The following ABCA13 variants were observed in gnomAD, a reference collection of about 807,000 sequenced individuals.
ABCA13 encodes ATP binding cassette subfamily A member 13.
Under a neutral mutation model 478.7 loss-of-function variants are expected in ABCA13, and 476 were observed. The observed-to-expected ratio is 0.99, with a 90% CI of 0.92 to 1.07. ABCA13 has a LOEUF of 1.07. Ranked by LOEUF, ABCA13 falls within the 50% of genes least tolerant of loss-of-function variation. ABCA13 has a pLI of 0.00. For missense variants in ABCA13, 6,060 were observed against 5,910.6 expected (o/e 1.03, Z -0.83); for synonymous variants, 2,252 against 2,158.9 (o/e 1.04, Z -1.20).
intron 51 of ABCA13, among the ~76,000 whole-genome samples, chr7:48,513,085 C>G (rs1831831668): frequency 6.6e-6 from 1 of 152,184 alleles, no homozygotes; most frequent in African/African-American, 2.4e-5. Flanking sequence ...AGTGAGAGAC[C>G]CGGTCTGGGG....
intron 1 of ABCA13, among the ~76,000 whole-genome samples, chr7:48,189,194 G>T (rs555468638): frequency 1.8e-4 from 27 of 152,292 alleles, no homozygotes; most frequent in Middle Eastern, 3.4e-3. Flanking sequence ...ATACGGTGAA[G>T]CCCTAGCATT....
At chr7:48,390,243 T>C (rs1815834819) in intron 37 of ABCA13, among the ~76,000 whole-genome samples, 1 of 152,202 alleles carries the variant, frequency 6.6e-6, no homozygotes, top group Non-Finnish European at 1.5e-5. Flanking sequence ...TGATTTAAAG[T>C]TCAATGACTG....
chr7:48,326,041 T>A (rs370992142), intron 27 of ABCA13, among the ~76,000 whole-genome samples: 2 of 152,198 alleles, frequency 1.3e-5, no homozygotes, highest in African/African-American at 2.4e-5. Flanking sequence ...CCTGCAGAAA[T>A]CCCTGGGACA....
chr7:48,269,173 C>T (rs1795265698), intron 16 of ABCA13, 79 bp downstream of exon 16: 1 of 761,104 alleles, frequency 1.3e-6, no homozygotes, highest in South Asian at 1.7e-5. Flanking sequence ...ATAGGATATG[C>T]ACTCTTTAAA....
intron 25 of ABCA13, among the ~76,000 whole-genome samples, chr7:48,313,993 G>A (rs1423639723): frequency 6.6e-6 from 1 of 151,970 alleles, no homozygotes; most frequent in Non-Finnish European, 1.5e-5. Flanking sequence ...ATGTGTGTGT[G>A]TGTGTGTGTG....
At chr7:48,350,445 G>C (rs755956545) in intron 29 of ABCA13, among the ~76,000 whole-genome samples, 198 bp from the exon 30 acceptor site, 1 of 152,042 alleles carries the variant, frequency 6.6e-6, no homozygotes, top group Non-Finnish European at 1.5e-5. Flanking sequence ...CAGAGCATGT[G>C]TATAAAAGTG....
chr7:48,566,890 C>T (rs1022701904), intron 55 of ABCA13, among the ~76,000 whole-genome samples: 12 of 152,126 alleles, frequency 7.9e-5, no homozygotes, highest in Non-Finnish European at 5.9e-5. Context: ...TGAGTACTGA[C>T]CTCTACTGTG....
At chr7:48,339,447 G>A (rs1806774674) in intron 29 of ABCA13, among the ~76,000 whole-genome samples, 1 of 152,198 alleles carries the variant, frequency 6.6e-6, no homozygotes, top group South Asian at 2.1e-4. Context: ...GGACTGACAT[G>A]GGTCTGAGAG....
At chr7:48,351,024 G>A (rs369039015) in intron 30 of ABCA13, among the ~76,000 whole-genome samples, 4 of 152,306 alleles carry the variant, frequency 2.6e-5, no homozygotes, top group African/African-American at 7.2e-5. Context: ...ATGAAAAGTT[G>A]TACCTTATGC....
At chr7:48,257,332 A>G (rs1324068627) in intron 15 of ABCA13, among the ~76,000 whole-genome samples, 1 of 152,034 alleles carries the variant, frequency 6.6e-6, no homozygotes, top group Non-Finnish European at 1.5e-5. Context: ...GACTTTCAGT[A>G]TTATGGTGAA....
chr7:48,198,099 C>G (rs1395834997), intron 2 of ABCA13, 138 bp from the exon 3 acceptor site: 1 of 864,848 alleles, frequency 1.2e-6, no homozygotes, highest in Admixed American at 3.3e-5. Flanking sequence ...TTTGTCTGAG[C>G]CCTTAGATCT....
At chr7:48,480,912 G>A (rs1828689213) in intron 45 of ABCA13, 124 bp from the exon 46 acceptor site, 1 of 666,128 alleles carries the variant, frequency 1.5e-6, no homozygotes, top group East Asian at 2.7e-5. Context: ...CATATAAAGG[G>A]CTGCAGATAA....
At chr7:48,324,223 C>T (rs994080760) in intron 27 of ABCA13, among the ~76,000 whole-genome samples, 1 of 152,098 alleles carries the variant, frequency 6.6e-6, no homozygotes, top group Non-Finnish European at 1.5e-5. Context: ...ACTGGTTTTT[C>T]CTGGGGCCTC....
In ABCA13 at chr7:48,248,478, A is replaced by G. The variant is rs752237722; in HGVS notation, c.1865+34A>G. ...ATGTTTGGTGGGAAACTTATAAACA[A>G]TTGGGACATCAGAATGATTTCAACT... On this transcript the variant is annotated intron_variant, in intron 14 of 61. Transcript: ENST00000435803. 5.4e-6 allele frequency: 8 copies of G among 1,487,154 alleles called. No homozygotes were observed. In the Admixed American group the frequency reaches 1.3e-4, roughly 24 times the overall value. 92.1% of individuals were successfully genotyped at this position (1,487,154 alleles called of 1,614,324 possible).
At chr7:48,375,894 TG>T (rs1813403083) in intron 34 of ABCA13, among the ~76,000 whole-genome samples, 1 of 152,168 alleles carries the variant, frequency 6.6e-6, no homozygotes, top group Non-Finnish European at 1.5e-5. Flanking sequence ...ATGATTAAAA[TG>T]TATATTTTAT....
At position 48,645,557 on chromosome 7, in the gene ABCA13, A is replaced by G; in HGVS notation, c.*45A>G. ...AAGGAATAAAACCTTGTCTTCCATT[A>G]CAATTAACAGTCAAGGATAAAACAA... On this transcript the variant is annotated 3_prime_UTR_variant, in exon 62 of 62. Transcript: ENST00000435803. 6.8e-7 allele frequency: 1 copy of G among 1,468,836 alleles called. No individual in the cohort carries two copies. The highest frequency in any genetic ancestry group is 1.2e-5 in the South Asian group (1 of 81,000). 91.0% of individuals were successfully genotyped at this position (1,468,836 alleles called of 1,614,324 possible).
intron 2 of ABCA13, among the ~76,000 whole-genome samples, chr7:48,195,578 A>G (rs1797815376): frequency 6.6e-6 from 1 of 151,936 alleles, no homozygotes; most frequent in South Asian, 2.1e-4. Flanking sequence ...CATGTGGGGG[A>G]TTTGGGGAGC....
At chr7:48,453,235 A>ATTTTTTTTT (rs33949393) in intron 42 of ABCA13, among the ~76,000 whole-genome samples, 1 of 145,276 alleles carries the variant, frequency 6.9e-6, no homozygotes. Context: ...GGAGATTGGG[A>ATTTTTTTTT]TTTTTTTTTT....
chr7:48,435,697 C>T (rs1004008436), intron 42 of ABCA13, among the ~76,000 whole-genome samples: 1 of 151,542 alleles, frequency 6.6e-6, no homozygotes, highest in Non-Finnish European at 1.5e-5. Context: ...CCTTTTATTT[C>T]TAGTTTGTTA....
Sources: allele counts gnomAD v4.1 joint callset (sites outside exome capture counted in the v4.1 genomes callset), GRCh38; gene constraint gnomAD v4.1.1; transcripts MANE v1.5; gene names NCBI Gene and HGNC (gene_info 2026-07-23, HGNC 2026-07-21).